The following NRF1 variants were observed in gnomAD, a reference collection of about 807,000 sequenced individuals.
NRF1 encodes the protein nuclear respiratory factor 1, also known as alpha palindromic-binding protein.
A neutral mutation model predicts 58.5 loss-of-function variants in NRF1; 5 were observed. The observed-to-expected ratio is 0.09, with a 90% CI of 0.04 to 0.18. The LOEUF is 0.18. Ranked by LOEUF, NRF1 falls within the 10% of genes least tolerant of loss-of-function variation. The pLI is 1.00. For missense variants in NRF1, 288 were observed against 657.7 expected (o/e 0.44, Z 6.15); for synonymous variants, 224 against 246.7 (o/e 0.91, Z 0.86).
chr7:129,738,670 A>G (rs1803778530), intron 10 of NRF1, among the ~76,000 whole-genome samples: 1 of 152,126 alleles, frequency 6.6e-6, no homozygotes, highest in Non-Finnish European at 1.5e-5. Context: ...TGCTACAACC[A>G]CCACCACTGC....
At chr7:129,657,859 C>A (rs1390639579) in intron 2 of NRF1, among the ~76,000 whole-genome samples, 1 of 152,154 alleles carries the variant, frequency 6.6e-6, no homozygotes, top group Admixed American at 6.5e-5. Flanking sequence ...GATCCTTCTG[C>A]CTCGGCCTCC....
chr7:129,647,588 G>A (rs1225893741), intron 1 of NRF1, among the ~76,000 whole-genome samples: 2 of 151,860 alleles, frequency 1.3e-5, no homozygotes, highest in African/African-American at 4.8e-5. Flanking sequence ...TAGAGATAGG[G>A]TTTCACCATG....
chr7:129,648,917 A>G (rs1369937607), intron 1 of NRF1, among the ~76,000 whole-genome samples: 1 of 121,196 alleles, frequency 8.3e-6, no homozygotes, highest in Non-Finnish European at 1.7e-5. Context: ...CTATAGCTTC[A>G]TTTTTTTTTT....
At chr7:129,636,152 G>T (rs1177456739) in intron 1 of NRF1, among the ~76,000 whole-genome samples, 1 of 152,046 alleles carries the variant, frequency 6.6e-6, no homozygotes, top group Non-Finnish European at 1.5e-5. Context: ...TTTACTGTGA[G>T]CCAGTGTTTC....
intron 1 of NRF1, among the ~76,000 whole-genome samples, chr7:129,634,872 T>C (rs192374543): frequency 6.6e-6 from 1 of 152,340 alleles, no homozygotes; most frequent in Admixed American, 6.5e-5. Flanking sequence ...TGTGATAGGA[T>C]TACAAGTAAT....
chr7:129,719,135 C>A (rs1306373265), intron 9 of NRF1, among the ~76,000 whole-genome samples: 1 of 145,278 alleles, frequency 6.9e-6, no homozygotes, highest in Non-Finnish European at 1.5e-5. Flanking sequence ...TAAAGTGATT[C>A]TTTTTTTTTT....
intron 8 of NRF1, among the ~76,000 whole-genome samples, chr7:129,713,886 G>C (rs996187007): frequency 6.6e-6 from 1 of 152,242 alleles, no homozygotes; most frequent in Non-Finnish European, 1.5e-5. Context: ...CTGTCAAAGA[G>C]AGCAACACAT....
chr7:129,715,959 CGCGCCACTGCACTCCAGCCTGG>C (rs1803177947), intron 8 of NRF1, among the ~76,000 whole-genome samples: 3 of 151,534 alleles, frequency 2.0e-5, no homozygotes, highest in Admixed American at 2.0e-4. Context: ...GAGCCGAGAT[CGCGCCACTGCACTCCAGCCTGG>C]GCAACAAGAG....
intron 10 of NRF1, among the ~76,000 whole-genome samples, chr7:129,742,295 A>C (rs555458394): frequency 1.5e-4 from 23 of 151,882 alleles, no homozygotes; most frequent in East Asian, 3.9e-4. Context: ...AAAAAAAACA[A>C]AAAACTTTGC....
chr7:129,666,234 G>T (rs566377508), intron 2 of NRF1, among the ~76,000 whole-genome samples: 1 of 152,270 alleles, frequency 6.6e-6, no homozygotes, highest in East Asian at 1.9e-4. Flanking sequence ...ATTCTCAGTG[G>T]AACTCTTTCT....
At chr7:129,633,821 A>C (rs950080518) in intron 1 of NRF1, 3 of 151,616 alleles carry the variant, frequency 2.0e-5, no homozygotes, top group African/African-American at 7.3e-5. Context: ...TATATATATA[A>C]AACTGTACTT....
intron 10 of NRF1, among the ~76,000 whole-genome samples, chr7:129,732,141 A>G (rs1803595508): frequency 6.6e-6 from 1 of 152,102 alleles, no homozygotes; most frequent in Non-Finnish European, 1.5e-5. Context: ...CCTCTCACCC[A>G]GACCTTAACA....
At chr7:129,719,663 C>T (rs184313200) in intron 9 of NRF1, among the ~76,000 whole-genome samples, 30 of 152,164 alleles carry the variant, frequency 2.0e-4, no homozygotes, top group Admixed American at 5.2e-4. Flanking sequence ...CACGTATATA[C>T]TCATCATGTT....
chr7:129,617,144 T>C (rs915290515), intron 1 of NRF1, among the ~76,000 whole-genome samples: 1 of 152,238 alleles, frequency 6.6e-6, no homozygotes, highest in South Asian at 2.1e-4. Context: ...AAGTGGTGCC[T>C]GTTGGGATAA....
At chr7:129,638,503 T>C (rs1335999733) in intron 1 of NRF1, among the ~76,000 whole-genome samples, 3 of 152,158 alleles carry the variant, frequency 2.0e-5, no homozygotes, top group Non-Finnish European at 4.4e-5. Flanking sequence ...CTGATAAATG[T>C]GGGTATGGTA....
intron 3 of NRF1, among the ~76,000 whole-genome samples, chr7:129,675,581 A>G (rs752955482): frequency 8.5e-5 from 13 of 152,234 alleles, no homozygotes; most frequent in Admixed American, 5.2e-4. Flanking sequence ...CAGGCATGAA[A>G]ACAGCATTAA....
chr7:129,690,436 G>A lies in NRF1; in HGVS notation c.496G>A (p.Asp166Asn), dbSNP rs779160827. ...VRKYKSMILEDLESALAEHAP... is the reference protein window; with the variant it reads ...VRKYKSMILENLESALAEHAP... Reference sequence around the variant, plus strand: ...TAAGTACAAGAGCATGATCCTGGAAGACCTGGAGTCTGCTCTGGCAGAACA... The same window carrying A: ...TAAGTACAAGAGCATGATCCTGGAAAACCTGGAGTCTGCTCTGGCAGAACA... Residue 166 changes from aspartate to asparagine, a missense_variant, in exon 5 of 11, where the codon GAC becomes AAC. Physicochemically the swap from Asp to Asn is conservative, Grantham distance 23. Around this residue, in one of 3 missense-constraint regions of NRF1, gnomAD observed 212 missense variants for 559.7 expected, o/e 0.38. Coordinates refer to ENST00000393232, the MANE Select transcript of NRF1 (RefSeq NM_005011.5). 3 of 1,614,000 alleles carry A rather than the reference G, an allele frequency of 1.9e-6. No homozygotes were observed. The highest frequency in any genetic ancestry group is 2.5e-6 in the Non-Finnish European group (3 of 1,180,006).
intron 10 of NRF1, among the ~76,000 whole-genome samples, chr7:129,742,291 A>C (rs972929410): frequency 3.3e-5 from 5 of 149,954 alleles, no homozygotes; most frequent in Non-Finnish European, 7.4e-5. Context: ...AAAAAAAAAA[A>C]ACAAAAAACT....
At chr7:129,724,300 T>C (rs1259595983) in intron 9 of NRF1, among the ~76,000 whole-genome samples, 1 of 152,180 alleles carries the variant, frequency 6.6e-6, no homozygotes, top group African/African-American at 2.4e-5. Flanking sequence ...GGAAAAGATG[T>C]GCAGCATCAC....
Sources: allele counts gnomAD v4.1 joint callset (sites outside exome capture counted in the v4.1 genomes callset), GRCh38; gene constraint gnomAD v4.1.1; regional missense constraint gnomAD v4.1.1; transcripts MANE v1.5; gene names NCBI Gene and HGNC (gene_info 2026-07-23, HGNC 2026-07-21).